Variants in SSBP2 observed in about 807,000 individuals in gnomAD.
SSBP2 encodes the protein single stranded DNA binding protein 2, also known as single-stranded DNA-binding protein 2.
Under a neutral mutation model 61.8 loss-of-function variants are expected in SSBP2, and 17 were observed. The ratio of observed to expected loss-of-function variants is 0.28; its 90% CI spans 0.19 to 0.41. The LOEUF (loss-of-function observed/expected upper bound fraction) is 0.41, where lower values mean the gene tolerates loss of function less well. SSBP2 is among the 10% of genes least tolerant of loss of function. The pLI is 1.00. For synonymous variants in SSBP2, 139 were observed against 141.3 expected, an observed-to-expected ratio of 0.98 and a Z score of 0.12; for missense variants, 310 against 458.7, an observed-to-expected ratio of 0.68 and a Z score of 2.96.
intron 1 of SSBP2, among the ~76,000 whole-genome samples, chr5:81,655,393 A>C (rs1377123876): frequency 6.6e-6 from 1 of 152,216 alleles, no homozygotes; most frequent in Non-Finnish European, 1.5e-5. Flanking sequence ...AGTAAGAGTC[A>C]GCTGCAAAAA....
At chr5:81,732,622 T>C (rs1756343282) in intron 1 of SSBP2, among the ~76,000 whole-genome samples, 1 of 152,222 alleles carries the variant, frequency 6.6e-6, no homozygotes, top group South Asian at 2.1e-4. Flanking sequence ...ATAAATTACA[T>C]ATGCAAATAA....
chr5:81,577,810 T>A (rs1022082989), intron 4 of SSBP2, among the ~76,000 whole-genome samples: 1 of 152,036 alleles, frequency 6.6e-6, no homozygotes, highest in Non-Finnish European at 1.5e-5. Context: ...AGATTAACCT[T>A]CACAATGTGA....
intron 1 of SSBP2, among the ~76,000 whole-genome samples, chr5:81,721,998 C>CAA (rs77125433): frequency 1.3e-5 from 2 of 151,068 alleles, no homozygotes; most frequent in African/African-American, 4.9e-5. Context: ...ACAGAAAAAA[C>CAA]AAAAAAAAAT....
chr5:81,559,600 C>A (rs1034164175), intron 4 of SSBP2, among the ~76,000 whole-genome samples: 1 of 151,904 alleles, frequency 6.6e-6, no homozygotes, highest in South Asian at 2.1e-4. Flanking sequence ...GAACTGCAAA[C>A]CAGTAGCAGG....
intron 4 of SSBP2, among the ~76,000 whole-genome samples, chr5:81,586,838 G>A (rs930610560): frequency 6.6e-6 from 1 of 151,740 alleles, no homozygotes; most frequent in Non-Finnish European, 1.5e-5. Flanking sequence ...TTCCCTCTAG[G>A]AGTCTAAAAT....
intron 1 of SSBP2, among the ~76,000 whole-genome samples, chr5:81,739,451 G>T (rs914223746): frequency 7.9e-5 from 12 of 152,066 alleles, no homozygotes; most frequent in African/African-American, 2.9e-4. Context: ...ACAGCCCTAG[G>T]CTAGATTCAA....
intron 4 of SSBP2, among the ~76,000 whole-genome samples, chr5:81,575,688 T>C (rs1027234764): frequency 5.9e-5 from 9 of 152,008 alleles, no homozygotes; most frequent in Non-Finnish European, 1.5e-5. Context: ...TTACATTAAG[T>C]AAAAATGAAC....
intron 15 of SSBP2, among the ~76,000 whole-genome samples, chr5:81,436,033 C>A (rs76679921): frequency 6.6e-6 from 1 of 151,616 alleles, no homozygotes; most frequent in Non-Finnish European, 1.5e-5. Flanking sequence ...ACTAAAAATA[C>A]GAAAATTAGC....
intron 2 of SSBP2, among the ~76,000 whole-genome samples, chr5:81,640,031 C>A (rs759266857): frequency 6.6e-5 from 10 of 152,062 alleles, no homozygotes; most frequent in Non-Finnish European, 1.5e-4. Context: ...AATTTGTTCT[C>A]AAAAAATAAG....
At chr5:81,449,601 A>G (rs1217680535) in intron 10 of SSBP2, among the ~76,000 whole-genome samples, 1 of 152,242 alleles carries the variant, frequency 6.6e-6, no homozygotes, top group Non-Finnish European at 1.5e-5. Flanking sequence ...TAGTGAAAAG[A>G]TAAGTGCTTG....
intron 4 of SSBP2, among the ~76,000 whole-genome samples, chr5:81,610,366 C>T (rs536442318): frequency 3.3e-5 from 5 of 152,180 alleles, no homozygotes; most frequent in Non-Finnish European, 7.3e-5. Context: ...GTGCCCTTGT[C>T]TTCTTTAAAA....
intron 1 of SSBP2, among the ~76,000 whole-genome samples, chr5:81,736,590 T>C (rs149331057): frequency 0.013 from 1,988 of 152,282 alleles, 44 homozygotes; most frequent in African/African-American, 0.045. Context: ...TCTAAAAGAT[T>C]ATATGGTTAT....
Position 81,608,567 on chromosome 5 carries a change from C to T in SSBP2, c.282+6906G>A, listed in dbSNP as rs1040306161. ...AAAACCTAAATTTTCATGGTTAAAC[C>T]ACACTCAGTCTTTAAACAATGACAT... On this transcript the variant is annotated intron_variant, in intron 4 of 16. Coordinates refer to ENST00000320672, the MANE Select transcript of SSBP2 (RefSeq NM_012446.5). Among the ~76,000 whole-genome samples the T allele has an allele frequency of 2.6e-4, 40 of 152,212 alleles. 2 individuals are homozygous for T. Among genetic ancestry groups the T allele is most frequent in the Admixed American group, 2.4e-3 (36 of 15,298 alleles).
intron 4 of SSBP2, among the ~76,000 whole-genome samples, chr5:81,594,180 G>C (rs894163060): frequency 6.6e-6 from 1 of 152,090 alleles, no homozygotes; most frequent in Non-Finnish European, 1.5e-5. Flanking sequence ...AAAAAAGGCA[G>C]GGGTTGCAAT....
chr5:81,554,031 C>T (rs1772405842), intron 4 of SSBP2, among the ~76,000 whole-genome samples: 1 of 151,950 alleles, frequency 6.6e-6, no homozygotes, highest in African/African-American at 2.4e-5. Context: ...TTAGAGACTT[C>T]CTGAATAAAT....
intron 4 of SSBP2, among the ~76,000 whole-genome samples, chr5:81,530,160 AACTCT>A (rs1770283927): frequency 6.6e-6 from 1 of 152,100 alleles, no homozygotes; most frequent in Admixed American, 6.6e-5. Flanking sequence ...CAGTTACTGA[AACTCT>A]ACAATGGTTC....
chr5:81,592,110 C>T (rs1371466528), intron 4 of SSBP2, among the ~76,000 whole-genome samples: 1 of 152,214 alleles, frequency 6.6e-6, no homozygotes, highest in Non-Finnish European at 1.5e-5. Context: ...ACAGACGGCA[C>T]CTGGAAAATC....
chr5:81,626,060 A>C (rs1747112582), intron 3 of SSBP2, among the ~76,000 whole-genome samples: 1 of 152,236 alleles, frequency 6.6e-6, no homozygotes, highest in Admixed American at 6.5e-5. Context: ...TAAGAAAACT[A>C]TCCTATCCAT....
At chr5:81,470,430 G>C (rs543192015) in intron 8 of SSBP2, among the ~76,000 whole-genome samples, 1 of 151,264 alleles carries the variant, frequency 6.6e-6, no homozygotes, top group South Asian at 2.1e-4. Flanking sequence ...TAGATTAAGG[G>C]GTAGGGAAAA....
Sources: gnomAD v4.1 joint callset for allele counts (sites outside exome capture counted in the v4.1 genomes callset) on GRCh38, gnomAD v4.1.1 for gene constraint, MANE v1.5 for transcripts, NCBI Gene and HGNC (gene_info 2026-07-23, HGNC 2026-07-21) for gene names.